YEATS2: variants seen among roughly 807,000 people sequenced by gnomAD.
YEATS2 encodes YEATS domain containing 2, also known as YEATS domain-containing protein 2.
Under a neutral mutation model 163.2 loss-of-function variants are expected in YEATS2, and 77 were observed. That is an observed-to-expected ratio of 0.47 (90% confidence interval 0.39 to 0.57). The LOEUF (loss-of-function observed/expected upper bound fraction) is 0.57. YEATS2 is among the 20% of genes least tolerant of loss of function. YEATS2 has a pLI of 0.00. For missense variants in YEATS2, 1,549 were observed against 1,729.8 expected, an observed-to-expected ratio of 0.90 and a Z score of 1.85; for synonymous variants, 631 against 645.1, an observed-to-expected ratio of 0.98 and a Z score of 0.33.
At chr3:183,810,092 C>T in intron 30 of YEATS2, 1 of 205,026 alleles carries the variant, frequency 4.9e-6, no homozygotes. Flanking sequence ...CACGCCTGGC[C>T]TGGCGTGGCT....
chr3:183,709,662 T>G (rs979796417), intron 1 of YEATS2, among the ~76,000 whole-genome samples: 1 of 150,952 alleles, frequency 6.6e-6, no homozygotes, highest in East Asian at 2.0e-4. Context: ...ATGAGGCTGT[T>G]TTAATGAGAT....
intron 21 of YEATS2, among the ~76,000 whole-genome samples, chr3:183,794,261 G>C (rs1414682855): frequency 6.6e-6 from 1 of 152,202 alleles, no homozygotes; most frequent in African/African-American, 2.4e-5. Flanking sequence ...AAAATTTGAT[G>C]ATGTATCAGG....
At chr3:183,725,587 A>T (rs1302931275) in intron 6 of YEATS2, among the ~76,000 whole-genome samples, 1 of 152,222 alleles carries the variant, frequency 6.6e-6, no homozygotes, top group African/African-American at 2.4e-5. Context: ...GTGTAGGAGA[A>T]CTACCCCTTA....
intron 12 of YEATS2, among the ~76,000 whole-genome samples, chr3:183,758,338 CAG>C (rs1482337693): frequency 6.7e-6 from 1 of 150,086 alleles, no homozygotes; most frequent in Non-Finnish European, 1.5e-5. Context: ...CCCCGGGTGA[CAG>C]AGCGAGACTC....
At chr3:183,727,603 C>T (rs1323466933) in intron 6 of YEATS2, among the ~76,000 whole-genome samples, 1 of 152,322 alleles carries the variant, frequency 6.6e-6, no homozygotes, top group Non-Finnish European at 1.5e-5. Context: ...TAAGGATTAG[C>T]ACTAGGCATA....
At chr3:183,785,191 T>G (rs1723943167) in intron 19 of YEATS2, among the ~76,000 whole-genome samples, 1 of 151,480 alleles carries the variant, frequency 6.6e-6, no homozygotes, top group South Asian at 2.1e-4. Flanking sequence ...TGGTTTTAAA[T>G]TAACCAGGTG....
intron 15 of YEATS2, among the ~76,000 whole-genome samples, chr3:183,767,941 G>A (rs1722075032): frequency 1.3e-5 from 2 of 152,120 alleles, no homozygotes; most frequent in African/African-American, 2.4e-5. Flanking sequence ...AATTGAAGTA[G>A]GTCTAAAAAT....
rs1261884793 is a variant in YEATS2 at position 183,798,888 on chromosome 3, TAGTGGTTCAGTCATTTTCTACC to T, written c.3227_3248del (p.Val1076AlafsTer9). The T allele has an allele frequency of 6.2e-7, 1 of 1,611,002 alleles. No homozygotes were observed. Among genetic ancestry groups the T allele is most frequent in the Admixed American group, 1.7e-5 (1 of 60,020 alleles). ...ATATCCCTCCCTCCTTTTTTCCCTT[TAGTGGTTCAGTCATTTTCTACC>T]AGCAAGCCACCTGCCATTCTGCCTG... is the stretch of plus-strand genomic sequence containing the variant. On this transcript the variant is annotated splice_acceptor_variant and coding_sequence_variant, in exon 23 of 31. Transcript: ENST00000305135. LOFTEE classifies it high-confidence loss of function.
At chr3:183,723,556 A>G (rs1391208792) in intron 5 of YEATS2, among the ~76,000 whole-genome samples, 1 of 152,210 alleles carries the variant, frequency 6.6e-6, no homozygotes, top group Non-Finnish European at 1.5e-5. Flanking sequence ...GTTTGGATTT[A>G]CCTTACCTTT....
intron 19 of YEATS2, among the ~76,000 whole-genome samples, chr3:183,784,890 A>C (rs1723910191): frequency 6.6e-6 from 1 of 151,896 alleles, no homozygotes; most frequent in Non-Finnish European, 1.5e-5. Flanking sequence ...CCTGGCCAAC[A>C]TGGAGAAACC....
chr3:183,736,511 A>G (rs1370203467), intron 7 of YEATS2, among the ~76,000 whole-genome samples: 1 of 152,164 alleles, frequency 6.6e-6, no homozygotes, highest in Admixed American at 6.5e-5. Context: ...CAATAATTGA[A>G]AGTTTAATAG....
intron 15 of YEATS2, among the ~76,000 whole-genome samples, chr3:183,770,555 T>TA (rs1722357837): frequency 6.6e-6 from 1 of 152,214 alleles, no homozygotes. Flanking sequence ...CAAATTTACT[T>TA]ATTCATGTTT....
chr3:183,754,066 G>A (rs563192363), intron 10 of YEATS2, 60 bp from the exon 11 acceptor site: 18 of 1,474,660 alleles, frequency 1.2e-5, no homozygotes, highest in South Asian at 1.1e-4. Context: ...TTTCCACAAC[G>A]GTAAGGTTTT....
chr3:183,734,568 G>A (rs1718140312), intron 7 of YEATS2, among the ~76,000 whole-genome samples: 2 of 152,178 alleles, frequency 1.3e-5, no homozygotes, highest in Non-Finnish European at 2.9e-5. Flanking sequence ...GAATGCTTTG[G>A]TTCTTTTAAA....
intron 8 of YEATS2, among the ~76,000 whole-genome samples, chr3:183,744,145 G>A (rs1450830949): frequency 8.3e-6 from 1 of 121,006 alleles, no homozygotes; most frequent in Non-Finnish European, 1.6e-5. Context: ...CAGAATCTCG[G>A]TCTGTTGCCC....
chr3:183,803,286 C>A lies in YEATS2; in HGVS notation c.3533C>A (p.Ser1178Tyr). ...GATGCCAGCTGCTTTTCTGCAAAGT[C>A]TGTGGAGCAGTACTATGGCTGGAAC... ...SEDASCFSAK[S>Y]VEQYYGWNIG... The change falls in exon 26 of 31, where the codon TCT (serine) becomes TAT (tyrosine). Residue 1178 changes from serine to tyrosine, a missense_variant. Ser to Tyr is a moderately radical substitution (Grantham distance 144). Transcript: ENST00000305135. The A allele has an allele frequency of 6.2e-7, 1 of 1,611,948 alleles. No individual in the cohort carries two copies. The highest frequency in any genetic ancestry group is 1.1e-5 in the South Asian group (1 of 90,780).
At chr3:183,704,699 G>A (rs1021150856) in intron 1 of YEATS2, among the ~76,000 whole-genome samples, 13 of 151,234 alleles carry the variant, frequency 8.6e-5, no homozygotes, top group African/African-American at 2.4e-4. Context: ...GCGTGATTTC[G>A]GCTCACTGCA....
chr3:183,809,120 T>A lies in YEATS2; in HGVS notation c.4110T>A (p.Asp1370Glu). 1 of 1,614,188 alleles carries A rather than the reference T, an allele frequency of 6.2e-7. No individual in the cohort carries two copies. The highest frequency in any genetic ancestry group is 2.2e-5 in the East Asian group (1 of 44,872). The change falls in exon 30 of 31, where the codon GAT (aspartate) becomes GAA (glutamate). Residue 1370 changes from aspartate to glutamate, a missense_variant. By Grantham distance (45) the Asp-to-Glu change is conservative (BLOSUM62 2). Coordinates refer to ENST00000305135, the MANE Select transcript of YEATS2 (RefSeq NM_018023.5). ...ILKATEQLVN[D>E]ILRQALAVGY... Reference sequence around the variant, plus strand: ...AGGCTACAGAACAGCTGGTGAATGATATCCTGAGACAGGCTTTGGCAGTTG... The same window carrying A: ...AGGCTACAGAACAGCTGGTGAATGAAATCCTGAGACAGGCTTTGGCAGTTG...
At chr3:183,716,208 C>T (rs1368095043) in intron 2 of YEATS2, among the ~76,000 whole-genome samples, 2 of 152,166 alleles carry the variant, frequency 1.3e-5, no homozygotes, top group African/African-American at 4.8e-5. Flanking sequence ...ATCCACCCGC[C>T]TCGGCGTCCC....
Sources: gnomAD v4.1 joint callset for allele counts (sites outside exome capture counted in the v4.1 genomes callset) on GRCh38, gnomAD v4.1.1 for gene constraint, MANE v1.5 for transcripts, NCBI Gene and HGNC (gene_info 2026-07-23, HGNC 2026-07-21) for gene names.